Variants in NMNAT2 observed in about 807,000 individuals in gnomAD.
NMNAT2 encodes the protein nicotinamide nucleotide adenylyltransferase 2, also known as nicotinamide/nicotinic acid mononucleotide adenylyltransferase 2.
A neutral mutation model predicts 41.6 loss-of-function variants in NMNAT2; 11 were observed. The ratio of observed to expected loss-of-function variants is 0.26; its 90% CI spans 0.17 to 0.44. The LOEUF (loss-of-function observed/expected upper bound fraction) is 0.44, where lower values mean the gene tolerates loss of function less well. Ranked by LOEUF, NMNAT2 falls within the 20% of genes least tolerant of loss-of-function variation. The probability of loss-of-function intolerance (pLI) is 1.00; values close to 1 mark genes in which losing one functional copy is unlikely to be tolerated. For missense variants in NMNAT2, 288 were observed against 407.7 expected (o/e 0.71, Z 2.53); for synonymous variants, 148 against 151.2 (o/e 0.98, Z 0.16).
chr1:183,320,529 C>A (rs1413391966), intron 1 of NMNAT2, among the ~76,000 whole-genome samples: 4 of 152,168 alleles, frequency 2.6e-5, no homozygotes, highest in African/African-American at 9.7e-5. Context: ...TCGCTTAAAC[C>A]CAGGAGGCAG....
intron 1 of NMNAT2, among the ~76,000 whole-genome samples, chr1:183,315,778 TAA>T (rs11454305): frequency 3.3e-4 from 41 of 125,862 alleles, no homozygotes; most frequent in Non-Finnish European, 3.5e-4. Flanking sequence ...AGACTCCGTG[TAA>T]AAAAAAAAAA....
At chr1:183,397,448 A>G (rs1168239916) in intron 1 of NMNAT2, among the ~76,000 whole-genome samples, 1 of 152,188 alleles carries the variant, frequency 6.6e-6, no homozygotes, top group Non-Finnish European at 1.5e-5. Flanking sequence ...TGGTGTGCCT[A>G]AAAGTGATGG....
chr1:183,371,564 G>A (rs950911693), intron 1 of NMNAT2, among the ~76,000 whole-genome samples: 2 of 152,084 alleles, frequency 1.3e-5, no homozygotes, highest in African/African-American at 4.8e-5. Context: ...TGTGTGAAGG[G>A]GGGAGTCTGT....
At chr1:183,391,920 C>T (rs1248512922) in intron 1 of NMNAT2, among the ~76,000 whole-genome samples, 2 of 152,182 alleles carry the variant, frequency 1.3e-5, no homozygotes, top group Non-Finnish European at 1.5e-5. Flanking sequence ...GTTAGCATTG[C>T]TGCCTCTTCC....
At chr1:183,370,201 T>A (rs2102365535) in intron 1 of NMNAT2, among the ~76,000 whole-genome samples, 1 of 141,990 alleles carries the variant, frequency 7.0e-6, no homozygotes, top group Admixed American at 7.3e-5. Flanking sequence ...TCCTAGTACT[T>A]CCTACCACTA....
At chr1:183,346,777 T>C (rs1410849299) in intron 1 of NMNAT2, among the ~76,000 whole-genome samples, 1 of 152,214 alleles carries the variant, frequency 6.6e-6, no homozygotes, top group Non-Finnish European at 1.5e-5. Flanking sequence ...GAACGAGGTG[T>C]TGCCTGATTC....
intron 1 of NMNAT2, among the ~76,000 whole-genome samples, chr1:183,395,865 C>T (rs577205708): frequency 6.6e-6 from 1 of 152,160 alleles, no homozygotes; most frequent in East Asian, 1.9e-4. Context: ...TGATCCTGTA[C>T]CTTTAGCATA....
intron 7 of NMNAT2, among the ~76,000 whole-genome samples, chr1:183,280,883 T>C (rs955343676): frequency 3.5e-5 from 5 of 143,774 alleles, no homozygotes; most frequent in African/African-American, 1.3e-4. Context: ...CCTCCTGGGT[T>C]CAAGCAATTC....
intron 1 of NMNAT2, among the ~76,000 whole-genome samples, chr1:183,352,423 T>C (rs1351426142): frequency 6.6e-6 from 1 of 151,756 alleles, no homozygotes; most frequent in Non-Finnish European, 1.5e-5. Context: ...ATCAGCCAGG[T>C]GTAGTGGCAT....
intron 1 of NMNAT2, among the ~76,000 whole-genome samples, chr1:183,402,584 T>C (rs1648841039): frequency 1.3e-5 from 2 of 152,208 alleles, no homozygotes; most frequent in Non-Finnish European, 2.9e-5. Flanking sequence ...TTCTGACCCA[T>C]TTGATTATTT....
At chr1:183,357,994 C>T (rs988297725) in intron 1 of NMNAT2, among the ~76,000 whole-genome samples, 1 of 152,076 alleles carries the variant, frequency 6.6e-6, no homozygotes, top group African/African-American at 2.4e-5. Flanking sequence ...GCACTATTCA[C>T]AATAGCAAAG....
intron 1 of NMNAT2, among the ~76,000 whole-genome samples, chr1:183,311,167 G>A (rs1300594934): frequency 6.6e-6 from 1 of 152,058 alleles, no homozygotes; most frequent in Non-Finnish European, 1.5e-5. Flanking sequence ...TTCCAGTCTA[G>A]GGTGTCAGGT....
chr1:183,302,027 A>C lies in NMNAT2; in HGVS notation c.86-8234T>G, dbSNP rs184340679. Among the ~76,000 whole-genome samples the C allele has an allele frequency of 6.6e-5, 10 of 152,350 alleles. No individual in the cohort carries two copies. In the East Asian group the frequency reaches 1.9e-3, roughly 29 times the overall value. The stretch of plus-strand genomic sequence containing the variant: ...TTTGTAAACATTCTAAATTTTAGGA[A>C]GACCAAGTGCTGGATGATAAAGGAA... On this transcript the variant is annotated intron_variant, in intron 1 of 10. Transcript: ENST00000287713.
At chr1:183,278,884 G>A (rs1301627224) in intron 7 of NMNAT2, among the ~76,000 whole-genome samples, 1 of 152,156 alleles carries the variant, frequency 6.6e-6, no homozygotes, top group Non-Finnish European at 1.5e-5. Flanking sequence ...AGCATAGCGG[G>A]TGATCGACTG....
chr1:183,286,307 C>T (rs1661397096), intron 5 of NMNAT2, among the ~76,000 whole-genome samples: 1 of 151,900 alleles, frequency 6.6e-6, no homozygotes, highest in Non-Finnish European at 1.5e-5. Flanking sequence ...GCCCAGGCTA[C>T]TCTCAAACTC....
intron 1 of NMNAT2, among the ~76,000 whole-genome samples, chr1:183,341,050 C>A (rs1333615140): frequency 6.6e-6 from 1 of 152,248 alleles, no homozygotes; most frequent in Non-Finnish European, 1.5e-5. Context: ...GCCTGGGCGA[C>A]TTGCCCAAGG....
chr1:183,348,186 C>T (rs1013690560), intron 1 of NMNAT2, among the ~76,000 whole-genome samples: 7 of 152,136 alleles, frequency 4.6e-5, no homozygotes, highest in African/African-American at 1.7e-4. Flanking sequence ...TTAGTTAAAA[C>T]AGTCAACCCA....
chr1:183,352,970 G>A (rs1663097365), intron 1 of NMNAT2, among the ~76,000 whole-genome samples: 1 of 152,176 alleles, frequency 6.6e-6, no homozygotes, highest in Non-Finnish European at 1.5e-5. Flanking sequence ...TATGAAGAGG[G>A]GGTCAGAAAG....
intron 8 of NMNAT2, among the ~76,000 whole-genome samples, chr1:183,263,635 T>C (rs1355919678): frequency 6.6e-6 from 1 of 152,022 alleles, no homozygotes; most frequent in Non-Finnish European, 1.5e-5. Context: ...TGAAACCCTG[T>C]CTCTACTAAA....
Sources: allele counts gnomAD v4.1 joint callset (sites outside exome capture counted in the v4.1 genomes callset), GRCh38; gene constraint gnomAD v4.1.1; transcripts MANE v1.5; gene names NCBI Gene and HGNC (gene_info 2026-07-23, HGNC 2026-07-21).